Variants in GPC5 observed in about 807,000 individuals in gnomAD.
GPC5 encodes the protein glypican-5.
A neutral mutation model predicts 53.9 loss-of-function variants in GPC5; 47 were observed. The ratio of observed to expected loss-of-function variants is 0.87; its 90% confidence interval spans 0.69 to 1.11. The LOEUF (loss-of-function observed/expected upper bound fraction) is 1.11. GPC5 is among the 50% of genes most tolerant of loss of function. The pLI is 0.00. For missense variants in GPC5, 748 were observed against 713.1 expected, an observed-to-expected ratio of 1.05 and a Z score of -0.56; for synonymous variants, 286 against 263.3, an observed-to-expected ratio of 1.09 and a Z score of -0.84.
At chr13:91,857,724 A>G (rs2038982315) in intron 5 of GPC5, among the ~76,000 whole-genome samples, 1 of 151,430 alleles carries the variant, frequency 6.6e-6, no homozygotes, top group African/African-American at 2.4e-5. Flanking sequence ...CATTCAATAT[A>G]TAGTCATTAA....
chr13:91,417,618 T>C (rs1028163317), intron 1 of GPC5, among the ~76,000 whole-genome samples: 2 of 152,064 alleles, frequency 1.3e-5, no homozygotes, highest in African/African-American at 4.8e-5. Context: ...CTGGCAGGAG[T>C]TGACCAGTTT....
At chr13:92,708,852 A>G (rs1290323628) in intron 7 of GPC5, among the ~76,000 whole-genome samples, 25 of 103,650 alleles carry the variant, frequency 2.4e-4, no homozygotes. Flanking sequence ...CTAGCTGGAA[A>G]CCGCCTTTTT....
chr13:91,750,881 C>G (rs1049731205), intron 4 of GPC5, among the ~76,000 whole-genome samples: 1 of 151,974 alleles, frequency 6.6e-6, no homozygotes, highest in African/African-American at 2.4e-5. Flanking sequence ...AGGCTGGTCT[C>G]AAACTCCTGA....
chr13:92,602,594 G>T (rs1465357649), intron 7 of GPC5, among the ~76,000 whole-genome samples: 1 of 152,008 alleles, frequency 6.6e-6, no homozygotes, highest in Non-Finnish European at 1.5e-5. Flanking sequence ...AGACTGCAAA[G>T]CCCTAGGTTC....
intron 7 of GPC5, among the ~76,000 whole-genome samples, chr13:92,862,004 G>A (rs750331382): frequency 3.3e-5 from 5 of 152,176 alleles, no homozygotes; most frequent in Non-Finnish European, 7.3e-5. Context: ...GTGGGTCATA[G>A]CTAAAGTCAA....
intron 7 of GPC5, among the ~76,000 whole-genome samples, chr13:92,569,887 C>G (rs1882971106): frequency 6.6e-6 from 1 of 152,162 alleles, no homozygotes; most frequent in African/African-American, 2.4e-5. Flanking sequence ...AAAATATAAA[C>G]AGTTACACTG....
At chr13:91,814,090 G>A (rs1310688129) in intron 5 of GPC5, among the ~76,000 whole-genome samples, 7 of 151,474 alleles carry the variant, frequency 4.6e-5, no homozygotes, top group East Asian at 1.9e-4. Flanking sequence ...GTGCCACCAC[G>A]CCTGGCTAAT....
rs35613083 is a variant in GPC5 at position 91,715,747 on chromosome 13, G to GT, written c.1021-12771dup. Among the ~76,000 whole-genome samples, 788 of 100,094 alleles carry GT rather than the reference G, an allele frequency of 7.9e-3. 3 individuals carry two copies. Among genetic ancestry groups the GT allele is most frequent in the South Asian group, 0.018 (58 of 3,174 alleles). The allele number at this position is 100,094 out of a possible 152,430, so 65.7% of individuals were successfully genotyped here. On this transcript the variant is annotated intron_variant, in intron 3 of 7. Transcript: ENST00000377067. ...TTTGTTCATAAATTATCTTGAAGTTGTTTTTTTTTTTTTTAAGATAGGGTC... is the reference window on the plus strand; with the variant it reads ...TTTGTTCATAAATTATCTTGAAGTTGTTTTTTTTTTTTTTTAAGATAGGGTC...
intron 5 of GPC5, among the ~76,000 whole-genome samples, chr13:91,869,766 G>A (rs1379036080): frequency 1.3e-5 from 2 of 152,132 alleles, no homozygotes; most frequent in Non-Finnish European, 2.9e-5. Context: ...TGGCTGGGGA[G>A]GCCTCAGGAA....
intron 6 of GPC5, among the ~76,000 whole-genome samples, chr13:91,949,460 T>C (rs1379071916): frequency 1.3e-5 from 2 of 152,092 alleles, no homozygotes; most frequent in Middle Eastern, 3.2e-3. Context: ...AAAACCTACA[T>C]ACAGCAAAAA....
intron 1 of GPC5, among the ~76,000 whole-genome samples, chr13:91,403,039 C>T (rs1438847754): frequency 6.6e-6 from 1 of 152,178 alleles, no homozygotes; most frequent in Non-Finnish European, 1.5e-5. Context: ...TACAGATTCA[C>T]ACAATTAGAA....
At chr13:91,632,430 C>T (rs1189414963) in intron 2 of GPC5, among the ~76,000 whole-genome samples, 1 of 152,056 alleles carries the variant, frequency 6.6e-6, no homozygotes, top group Non-Finnish European at 1.5e-5. Context: ...TTTATCTATT[C>T]ACCCAAAATT....
At chr13:91,459,084 TA>T (rs1234032649) in intron 2 of GPC5, among the ~76,000 whole-genome samples, 1 of 151,764 alleles carries the variant, frequency 6.6e-6, no homozygotes, top group Non-Finnish European at 1.5e-5. Flanking sequence ...GGGTGAGGGA[TA>T]AAAGACTACA....
chr13:92,443,352 G>A (rs541764419), intron 7 of GPC5, among the ~76,000 whole-genome samples: 3 of 152,164 alleles, frequency 2.0e-5, no homozygotes, highest in Non-Finnish European at 4.4e-5. Flanking sequence ...AGACTTGGAG[G>A]TAAAAGATAT....
At chr13:91,617,961 A>G (rs1015576709) in intron 2 of GPC5, among the ~76,000 whole-genome samples, 1 of 152,114 alleles carries the variant, frequency 6.6e-6, no homozygotes, top group Non-Finnish European at 1.5e-5. Flanking sequence ...TGAATTTCAT[A>G]TGTCACAAAA....
At chr13:92,126,102 G>A (rs951552148) in intron 6 of GPC5, among the ~76,000 whole-genome samples, 4 of 151,512 alleles carry the variant, frequency 2.6e-5, no homozygotes, top group Non-Finnish European at 4.4e-5. Context: ...TTATAGGCAC[G>A]TGCCACCACA....
chr13:92,021,198 G>T (rs1306488297), intron 6 of GPC5, among the ~76,000 whole-genome samples: 2 of 152,082 alleles, frequency 1.3e-5, no homozygotes, highest in Admixed American at 6.6e-5. Context: ...TACCAGCATT[G>T]TTCATAATAG....
intron 5 of GPC5, among the ~76,000 whole-genome samples, chr13:91,759,431 T>C (rs113827194): frequency 0.025 from 3,803 of 152,206 alleles, 154 homozygotes; most frequent in African/African-American, 0.086. Flanking sequence ...TATTGTTGAC[T>C]GTAGTCATCC....
intron 7 of GPC5, among the ~76,000 whole-genome samples, chr13:92,248,950 G>A (rs1433404031): frequency 6.6e-6 from 1 of 152,066 alleles, no homozygotes; most frequent in Non-Finnish European, 1.5e-5. Context: ...TCATTACGTG[G>A]AGAGCAGATA....
Sources: gnomAD v4.1 joint callset for allele counts (sites outside exome capture counted in the v4.1 genomes callset) on GRCh38, gnomAD v4.1.1 for gene constraint, MANE v1.5 for transcripts, NCBI Gene and HGNC (gene_info 2026-07-23, HGNC 2026-07-21) for gene names.